Variants in PLEKHM2 observed in about 807,000 individuals in gnomAD.
PLEKHM2 encodes pleckstrin homology domain-containing family M member 2.
In PLEKHM2, 77 loss-of-function variants were observed where a neutral mutation model predicts 116.3. The observed-to-expected ratio is 0.66, with a 90% CI of 0.55 to 0.80. The LOEUF (loss-of-function observed/expected upper bound fraction) is 0.80, where lower values mean the gene tolerates loss of function less well. Ranked by LOEUF, PLEKHM2 falls within the 30% of genes least tolerant of loss-of-function variation. The pLI is 0.00. For missense variants in PLEKHM2, 1,183 were observed against 1,354.9 expected (o/e 0.87, Z 1.99); for synonymous variants, 562 against 571.0 (o/e 0.98, Z 0.22).
upstream of PLEKHM2, among the ~76,000 whole-genome samples, chr1:15,682,063 G>A (rs777491665): frequency 2.0e-5 from 3 of 151,976 alleles, no homozygotes; most frequent in South Asian, 2.1e-4. Flanking sequence ...TTCGCTGGGC[G>A]TATTTTATTC....
At chr1:15,687,725 C>G (rs1461587154) in intron 1 of PLEKHM2, among the ~76,000 whole-genome samples, 1 of 152,120 alleles carries the variant, frequency 6.6e-6, no homozygotes. Flanking sequence ...TTACTAGGAA[C>G]CTGTTAGTTT....
intron 1 of PLEKHM2, among the ~76,000 whole-genome samples, chr1:15,694,914 T>C (rs1243343211): frequency 6.6e-6 from 1 of 151,872 alleles, no homozygotes; most frequent in Admixed American, 6.6e-5. Flanking sequence ...GGCACCACCA[T>C]GTTGGGCTAG....
At chr1:15,703,930 GGA>G (rs1338760582) in intron 1 of PLEKHM2, among the ~76,000 whole-genome samples, 1 of 152,210 alleles carries the variant, frequency 6.6e-6, no homozygotes, top group Non-Finnish European at 1.5e-5. Flanking sequence ...AGCAGGGACA[GGA>G]GAGCAGCTGA....
intron 1 of PLEKHM2, among the ~76,000 whole-genome samples, chr1:15,713,029 G>C (rs772918103): frequency 1.3e-5 from 2 of 152,190 alleles, no homozygotes; most frequent in African/African-American, 4.8e-5. Flanking sequence ...TGAAACTCCT[G>C]ACCTCAACTG....
intron 14 of PLEKHM2, 83 bp downstream of exon 14, chr1:15,730,012 C>A: frequency 4.9e-6 from 4 of 821,370 alleles, no homozygotes; most frequent in Non-Finnish European, 6.5e-6. Context: ...AAGGGATGCA[C>A]GTGGATGTCT....
Position 15,728,212 on chromosome 1 carries a change from C to T in PLEKHM2, c.1831-55C>T, listed in dbSNP as rs1298575197. The T allele has an allele frequency of 6.2e-7, 1 of 1,605,280 alleles. No individual in the cohort carries two copies. The highest frequency in any genetic ancestry group is 1.3e-5 in the African/African-American group (1 of 74,770). On this transcript the variant is annotated intron_variant, in intron 10 of 19. Coordinates refer to ENST00000375799, the MANE Select transcript of PLEKHM2 (RefSeq NM_015164.4). This position sits in a 1 kb window ranked among gnomAD's most constrained non-coding sequence, Gnocchi z 5.9. ...AGGGCAAGGCGGGATGGGCCACCGC[C>T]CCCGCTGGAGCGGCAGGAGCCACCT...
chr1:15,728,377 A>T lies in PLEKHM2; in HGVS notation c.1921+20A>T. On this transcript the variant is annotated intron_variant, in intron 11 of 19. Coordinates refer to ENST00000375799, the MANE Select transcript of PLEKHM2 (RefSeq NM_015164.4). This position sits in a 1 kb window ranked among gnomAD's most constrained non-coding sequence, Gnocchi z 5.9. ...GGAAAGGTGCCCGCCGCCCCCGGGC[A>T]GACAGCGGGTTGTAGACGAGGCTGA... is the stretch of plus-strand genomic sequence containing the variant. The T allele has an allele frequency of 6.2e-7, 1 of 1,604,086 alleles. No individual in the cohort carries two copies. Among genetic ancestry groups the T allele is most frequent in the Non-Finnish European group, 8.5e-7 (1 of 1,173,268 alleles).
chr1:15,724,917 G>A (rs1024583297), intron 7 of PLEKHM2, among the ~76,000 whole-genome samples: 1 of 152,116 alleles, frequency 6.6e-6, no homozygotes, highest in Non-Finnish European at 1.5e-5. Context: ...TGGCAGGAAG[G>A]CTCTGAGGGT....
In PLEKHM2 at chr1:15,727,706, G is replaced by C; in HGVS notation, c.1634G>C (p.Gly545Ala). 1.9e-6 allele frequency: 3 copies of C among 1,595,010 alleles called. No individual in the cohort carries two copies. The highest frequency in any genetic ancestry group is 2.6e-6 in the Non-Finnish European group (3 of 1,171,770). ...GGGCCTGTGTCTGAGCCAGAGCCTG[G>C]GACCCAGGAGGTTCTCTGCCAGCTC... ...REGPVSEPEP[G>A]TQEVLCQLKR... is the part of the protein sequence containing the mutation. Residue 545 changes from glycine to alanine, a missense_variant, in exon 9 of 20, where the codon GGG becomes GCG. Gly to Ala is a moderately conservative substitution (Grantham distance 60). Around this residue, in one of 3 missense-constraint regions of PLEKHM2, gnomAD observed 594 missense variants for 720.1 expected, o/e 0.82. Transcript: ENST00000375799. This position sits in a 1 kb window ranked among gnomAD's most constrained non-coding sequence, Gnocchi z 7.5.
chr1:15,710,394 C>T (rs946038096), intron 1 of PLEKHM2, among the ~76,000 whole-genome samples: 1 of 151,746 alleles, frequency 6.6e-6, no homozygotes, highest in Admixed American at 6.6e-5. Flanking sequence ...GTGGCATGAT[C>T]TCGGCTCACT....
chr1:15,699,834 G>A (rs1641074210), intron 1 of PLEKHM2, among the ~76,000 whole-genome samples: 1 of 151,818 alleles, frequency 6.6e-6, no homozygotes, highest in African/African-American at 2.4e-5. Flanking sequence ...AGGAGAGTAG[G>A]CTGGGCATGG....
At position 15,731,935 on chromosome 1, in the gene PLEKHM2, C is replaced by T; in HGVS notation, c.2512C>T (p.Pro838Ser). 6.2e-7 allele frequency: 1 copy of T among 1,611,632 alleles called. No homozygotes were observed. The highest frequency in any genetic ancestry group is 1.1e-5 in the South Asian group (1 of 90,906). Residue 838 changes from proline (P) to serine (S), a missense_variant, in exon 17 of 20, where the codon CCC becomes TCC. This residue lies in a region of PLEKHM2 where 594 missense variants were observed against 720.1 expected (regional missense o/e 0.82). Coordinates refer to ENST00000375799, the MANE Select transcript of PLEKHM2 (RefSeq NM_015164.4). The part of the protein sequence containing the change: ...GCRRANTTDR[P>S]HAFQVILSDR... ...CCGGAGAGCCAACACCACGGATCGG[C>T]CCCACGCCTTCCAGGTCATTCTCTC...
In PLEKHM2 at chr1:15,725,353, C is replaced by A; in HGVS notation, c.749C>A (p.Ser250Tyr). 6.4e-7 allele frequency: 1 copy of A among 1,551,402 alleles called. No homozygotes were observed. The change falls in exon 8 of 20, where the codon TCC becomes TAC. Residue 250 changes from serine to tyrosine, a missense_variant. Ser to Tyr is a moderately radical substitution (Grantham distance 144). Transcript: ENST00000375799. ...DLTDTVSGPR[S>Y]TASDLTSSKA... ...ACAGACACGGTCAGTGGTCCCCGCT[C>A]CACAGCCTCCGACCTGACCAGCAGC...
chr1:15,724,550 C>T (rs575066073), intron 7 of PLEKHM2, among the ~76,000 whole-genome samples: 6 of 152,182 alleles, frequency 3.9e-5, no homozygotes, highest in South Asian at 2.1e-4. Flanking sequence ...GTCCTGCCCC[C>T]GAGGAGTGTG....
At chr1:15,714,534 G>A (rs970972896) in intron 1 of PLEKHM2, among the ~76,000 whole-genome samples, 4 of 152,128 alleles carry the variant, frequency 2.6e-5, no homozygotes, top group African/African-American at 7.2e-5. Flanking sequence ...AGGAAGGGAA[G>A]GGAAGACCCT....
Position 15,729,477 on chromosome 1 carries a change from C to T in PLEKHM2, c.2075+287C>T, listed in dbSNP as rs770346990. On this transcript the variant is annotated intron_variant, in intron 13 of 19. Coordinates refer to ENST00000375799, the MANE Select transcript of PLEKHM2 (RefSeq NM_015164.4). This position sits in a 1 kb window ranked among gnomAD's most constrained non-coding sequence, Gnocchi z 4.7. ...CAGAGAGCCATGCTGCTGGGCCAGGCGTGCCCTTGAACGCCTGCATCCTTG... is the reference window on the plus strand; with the variant it reads ...CAGAGAGCCATGCTGCTGGGCCAGGTGTGCCCTTGAACGCCTGCATCCTTG... 3.9e-5 allele frequency among the ~76,000 whole-genome samples: 6 copies of T among 152,172 alleles called. No homozygotes were observed. The highest frequency in any genetic ancestry group is 7.4e-5 in the Non-Finnish European group (5 of 68,020).
At chr1:15,724,873 G>T (rs1400228291) in intron 7 of PLEKHM2, among the ~76,000 whole-genome samples, 1 of 152,148 alleles carries the variant, frequency 6.6e-6, no homozygotes, top group Non-Finnish European at 1.5e-5. Context: ...GGGGTATGGG[G>T]CTAACGGGGC....
rs111680226 is a variant in PLEKHM2 at position 15,724,672 on chromosome 1, C to G, written c.713-645C>G. ...CCTGCTCTGTCATCTTGTCTCTACT[C>G]TGTGCTCTGGGCATTTCCCTCTGCC... On this transcript the variant is annotated intron_variant, in intron 7 of 19. Transcript: ENST00000375799. 9.7e-3 allele frequency among the ~76,000 whole-genome samples: 1,480 copies of G among 152,278 alleles called. 7 individuals are homozygous for G. The highest frequency in any genetic ancestry group is 0.016 in the Non-Finnish European group (1,066 of 68,010).
chr1:15,730,070 C>A (rs144199058), intron 14 of PLEKHM2, 141 bp downstream of exon 14: 2 of 62,650 alleles, frequency 3.2e-5, no homozygotes, highest in Non-Finnish European at 7.5e-5. Flanking sequence ...CGGGGCGGGG[C>A]GGGGCGGGGC....
Sources: gnomAD v4.1 joint callset for allele counts (sites outside exome capture counted in the v4.1 genomes callset) on GRCh38, gnomAD v4.1.1 for gene constraint, gnomAD v4.1.1 regional missense constraint, Gnocchi (gnomAD v3.1) non-coding constraint, MANE v1.5 for transcripts, NCBI Gene and HGNC (gene_info 2026-07-23, HGNC 2026-07-21) for gene names.